Variants in DPP10 observed in about 807,000 individuals in gnomAD.
The protein encoded by DPP10 is inactive dipeptidyl peptidase 10.
In DPP10, 33 loss-of-function variants were observed where a neutral mutation model predicts 120.9. The observed-to-expected ratio is 0.27, with a 90% CI of 0.21 to 0.37. The LOEUF (loss-of-function observed/expected upper bound fraction) is 0.37, where lower values mean the gene tolerates loss of function less well. DPP10 is among the 10% of genes least tolerant of loss of function. The probability of loss-of-function intolerance (pLI) is 1.00; values close to 1 mark genes in which losing one functional copy is unlikely to be tolerated. For missense variants in DPP10, 816 were observed against 942.8 expected (o/e 0.87, Z 1.76); for synonymous variants, 337 against 326.1 (o/e 1.03, Z -0.36).
chr2:114,516,956 T>A (rs2104621627), intron 1 of DPP10, among the ~76,000 whole-genome samples: 1 of 152,318 alleles, frequency 6.6e-6, no homozygotes, highest in Middle Eastern at 3.4e-3. Flanking sequence ...TTTCTTATGT[T>A]GAGGTTATAG....
chr2:115,665,570 T>C (rs2089384382), intron 5 of DPP10, among the ~76,000 whole-genome samples: 1 of 152,208 alleles, frequency 6.6e-6, no homozygotes. Context: ...CCTTGCTTGT[T>C]AGTGTTTCAA....
rs115743878 is a variant in DPP10 at position 115,658,476 on chromosome 2, G to A, written c.442-31211G>A. ...AGTTTGGCAGCAAACATTAGTTCTC[G>A]CTTGCTATATTTTACTCATCAAAGT... On this transcript the variant is annotated intron_variant, in intron 5 of 25. Coordinates refer to ENST00000410059, the MANE Select transcript of DPP10 (RefSeq NM_020868.6). Among the ~76,000 whole-genome samples the A allele has an allele frequency of 5.2e-3, 785 of 151,238 alleles. 7 individuals are homozygous for A. The highest frequency in any genetic ancestry group is 0.018 in the African/African-American group (756 of 41,252).
chr2:114,613,086 G>A (rs1483591091), intron 1 of DPP10, among the ~76,000 whole-genome samples: 2 of 152,120 alleles, frequency 1.3e-5, no homozygotes, highest in Non-Finnish European at 2.9e-5. Context: ...CTAGCACCTT[G>A]CACAGTTTCT....
intron 19 of DPP10, among the ~76,000 whole-genome samples, chr2:115,807,515 T>C (rs1428186644): frequency 6.6e-6 from 1 of 152,184 alleles, no homozygotes; most frequent in East Asian, 1.9e-4. Flanking sequence ...CTCTGTTTTT[T>C]CTTCATTACT....
intron 1 of DPP10, among the ~76,000 whole-genome samples, chr2:114,925,806 G>A (rs1444005642): frequency 6.6e-6 from 1 of 152,128 alleles, no homozygotes; most frequent in East Asian, 1.9e-4. Flanking sequence ...TTGGAAGAAG[G>A]CTGTCCTCAC....
At chr2:114,486,504 A>T (rs1681530964) in intron 1 of DPP10, among the ~76,000 whole-genome samples, 1 of 152,136 alleles carries the variant, frequency 6.6e-6, no homozygotes, top group South Asian at 2.1e-4. Context: ...ATTTTTGAAG[A>T]AGGCAATTTA....
intron 3 of DPP10, among the ~76,000 whole-genome samples, chr2:115,349,511 A>G (rs1469409986): frequency 6.6e-6 from 1 of 152,118 alleles, no homozygotes; most frequent in Non-Finnish European, 1.5e-5. Context: ...AGCCTTGTGG[A>G]TCTTCAAATG....
At chr2:114,901,627 T>C (rs984439363) in intron 1 of DPP10, among the ~76,000 whole-genome samples, 6 of 152,208 alleles carry the variant, frequency 3.9e-5, no homozygotes, top group Admixed American at 2.0e-4. Flanking sequence ...GGACTGAAGA[T>C]TAACAGCAGA....
intron 1 of DPP10, among the ~76,000 whole-genome samples, chr2:115,228,627 A>T (rs941728705): frequency 6.6e-6 from 1 of 152,028 alleles, no homozygotes; most frequent in African/African-American, 2.4e-5. Context: ...GAACATGTGA[A>T]GTTTGTCTTT....
intron 3 of DPP10, among the ~76,000 whole-genome samples, chr2:115,384,752 A>G (rs115406108): frequency 0.023 from 3,505 of 152,098 alleles, 144 homozygotes; most frequent in African/African-American, 0.078. Context: ...GGAAGAAAGA[A>G]GAAAAGAAGA....
At chr2:114,606,760 G>T (rs576726743) in intron 1 of DPP10, among the ~76,000 whole-genome samples, 1 of 152,068 alleles carries the variant, frequency 6.6e-6, no homozygotes, top group Non-Finnish European at 1.5e-5. Context: ...AAATTTTGTC[G>T]CATTTCAGCA....
At chr2:114,748,316 C>A in intron 1 of DPP10, among the ~76,000 whole-genome samples, 1 of 139,154 alleles carries the variant, frequency 7.2e-6, no homozygotes, top group Non-Finnish European at 1.5e-5. Flanking sequence ...CAAATTTGTT[C>A]ACGTAGGACA....
At chr2:114,723,454 C>T (rs1438902547) in intron 1 of DPP10, among the ~76,000 whole-genome samples, 1 of 152,176 alleles carries the variant, frequency 6.6e-6, no homozygotes, top group Admixed American at 6.5e-5. Context: ...CAAGGTTAGG[C>T]AAGACTTCTG....
intron 1 of DPP10, among the ~76,000 whole-genome samples, chr2:114,805,024 C>A (rs1334479314): frequency 2.0e-5 from 3 of 152,160 alleles, no homozygotes; most frequent in Non-Finnish European, 1.5e-5. Context: ...GGGGGCTGAT[C>A]TTTCCCGTGC....
At chr2:115,522,513 C>T (rs1468348157) in intron 4 of DPP10, among the ~76,000 whole-genome samples, 1 of 152,150 alleles carries the variant, frequency 6.6e-6, no homozygotes, top group Non-Finnish European at 1.5e-5. Flanking sequence ...CCCAAGCTGC[C>T]GGAAAACATA....
At position 114,528,407 on chromosome 2, in the gene DPP10, C is replaced by A. The variant is rs186320019; in HGVS notation, c.60+85569C>A. On this transcript the variant is annotated intron_variant, in intron 1 of 25. Coordinates refer to ENST00000410059, the MANE Select transcript of DPP10 (RefSeq NM_020868.6). Reference sequence around the variant, plus strand: ...AGAGTGAACACTGTTACTGCAGGGTCTAGCTGCTCCACCCATTGTTCTAGA... The same window carrying A: ...AGAGTGAACACTGTTACTGCAGGGTATAGCTGCTCCACCCATTGTTCTAGA... Among the ~76,000 whole-genome samples the A allele has an allele frequency of 3.3e-5, 5 of 152,212 alleles. No homozygotes were observed. In the East Asian group the frequency reaches 5.8e-4, roughly 18 times the overall value.
At chr2:114,748,105 G>C (rs999144884) in intron 1 of DPP10, among the ~76,000 whole-genome samples, 1 of 151,938 alleles carries the variant, frequency 6.6e-6, no homozygotes, top group African/African-American at 2.4e-5. Flanking sequence ...TATTTTTCTA[G>C]ACATTTATTT....
intron 5 of DPP10, among the ~76,000 whole-genome samples, chr2:115,644,930 T>G (rs1391062417): frequency 2.0e-5 from 3 of 152,200 alleles, no homozygotes; most frequent in Admixed American, 2.0e-4. Flanking sequence ...AATATCAGCA[T>G]GCCTAACAAC....
intron 1 of DPP10, among the ~76,000 whole-genome samples, chr2:114,836,282 A>G (rs1182386263): frequency 6.6e-6 from 1 of 152,154 alleles, no homozygotes; most frequent in South Asian, 2.1e-4. Context: ...TCAGCCAGAT[A>G]TCGGGCAAAA....
Sources: allele counts gnomAD v4.1 joint callset (sites outside exome capture counted in the v4.1 genomes callset), GRCh38; gene constraint gnomAD v4.1.1; transcripts MANE v1.5; gene names NCBI Gene and HGNC (gene_info 2026-07-23, HGNC 2026-07-21).